NRIP2: variants seen among roughly 807,000 people sequenced by gnomAD.
The protein encoded by NRIP2 is nuclear receptor-interacting protein 2.
A neutral mutation model predicts 34.1 loss-of-function variants in NRIP2; 27 were observed. The observed-to-expected ratio is 0.79, with a 90% CI of 0.58 to 1.09. The LOEUF (loss-of-function observed/expected upper bound fraction) is 1.09. Among genes scored for constraint, NRIP2 ranks in the 50% least tolerant of loss-of-function variants. The pLI, the probability that NRIP2 is intolerant of heterozygous loss-of-function variation, is 0.00. For missense variants in NRIP2, 385 were observed against 352.6 expected, an observed-to-expected ratio of 1.09 and a Z score of -0.74; for synonymous variants, 145 against 146.9, an observed-to-expected ratio of 0.99 and a Z score of 0.09.
chr12:2,829,289 T>G (rs1399495366), intron 2 of NRIP2, among the ~76,000 whole-genome samples: 1 of 132,716 alleles, frequency 7.5e-6, no homozygotes, highest in Non-Finnish European at 1.5e-5. Context: ...CTTCACCTAC[T>G]TTGGGACATA....
At position 2,826,956 on chromosome 12, in the gene NRIP2, G is replaced by A; in HGVS notation, c.*251C>T. The A allele has an allele frequency of 7.6e-7, 1 of 1,319,320 alleles. No homozygotes were observed. Among genetic ancestry groups the A allele is most frequent in the South Asian group, 1.8e-5 (1 of 57,092 alleles). 81.7% of individuals were successfully genotyped at this position (1,319,320 alleles called of 1,614,324 possible). ...GTCTTGATTTGGCTTTGCTTTTCTT[G>A]GGAGGAAGATGAATCAGAATCCTGG... On this transcript the variant is annotated 3_prime_UTR_variant, in exon 6 of 6. Coordinates refer to ENST00000337508, the MANE Select transcript of NRIP2 (RefSeq NM_031474.3).
At chr12:2,830,540 T>G (rs1410277115) in intron 2 of NRIP2, 168 bp downstream of exon 2, 2 of 624,204 alleles carry the variant, frequency 3.2e-6, no homozygotes, top group African/African-American at 3.8e-5. Flanking sequence ...AGACATGGCT[T>G]GGGGCAGGGA....
intron 1 of NRIP2, among the ~76,000 whole-genome samples, chr12:2,832,372 G>C (rs551696088): frequency 1.8e-4 from 28 of 151,970 alleles, no homozygotes; most frequent in African/African-American, 6.3e-4. Flanking sequence ...CAGAAGCACC[G>C]CTCATACCAG....
chr12:2,828,244 A>T (rs979456545), intron 3 of NRIP2, 88 bp downstream of exon 3: 11 of 1,250,948 alleles, frequency 8.8e-6, no homozygotes, highest in Non-Finnish European at 1.3e-5. Flanking sequence ...AAAATATGCA[A>T]CTGTCGTCAC....
intron 2 of NRIP2, among the ~76,000 whole-genome samples, chr12:2,829,229 C>T (rs1603484046): frequency 6.6e-6 from 1 of 152,140 alleles, no homozygotes; most frequent in Non-Finnish European, 1.5e-5. Flanking sequence ...TGTTAGGAAA[C>T]TCAGATATGA....
rs1282131603 is a variant in NRIP2, at chr12:2,830,799, T to TC, written c.403dup (p.Glu135GlyfsTer38). On this transcript the variant is annotated frameshift_variant, in exon 2 of 6. Transcript: ENST00000337508. LOFTEE classifies it high-confidence loss of function. ...AATCAGGTCCTGCATCCGGGGAGGC[T>TC]CCCCCTGAAGCCAATTCGGGTTTCC... 1 of 1,613,676 alleles carries TC rather than the reference T, an allele frequency of 6.2e-7. No individual in the cohort carries two copies. Among genetic ancestry groups the TC allele is most frequent in the Admixed American group, 1.7e-5 (1 of 59,978 alleles).
chr12:2,828,026 T>A lies in NRIP2; in HGVS notation c.600A>T (p.Lys200Asn). 1 of 1,613,992 alleles carries A rather than the reference T, an allele frequency of 6.2e-7. No individual in the cohort carries two copies. Residue 200 changes from lysine to asparagine, a missense_variant, in exon 4 of 6, where the codon AAA becomes AAT. Transcript: ENST00000337508. ...SRLGLEKRVLKASAGDLAPGP... is the reference protein window; with the variant it reads ...SRLGLEKRVLNASAGDLAPGP... ...CAGGGGCCAGGTCCCCAGCTGAGGC[T>A]TTTAGGACCCTTTTCTCTAACCTGT...
rs2097969996 is a variant in NRIP2, at chr12:2,826,943, C to T, written c.*264G>A. 3.9e-6 allele frequency: 5 copies of T among 1,289,282 alleles called. No individual in the cohort carries two copies. The highest frequency in any genetic ancestry group is 4.9e-6 in the Non-Finnish European group (5 of 1,013,990). The allele number at this position is 1,289,282 out of a possible 1,614,324, so 79.9% of individuals were successfully genotyped here. On this transcript the variant is annotated 3_prime_UTR_variant, in exon 6 of 6. Coordinates refer to ENST00000337508, the MANE Select transcript of NRIP2 (RefSeq NM_031474.3). ...GTTCCTATCTGTGGTCTTGATTTGG[C>T]TTTGCTTTTCTTGGGAGGAAGATGA...
chr12:2,827,545 A>G lies in NRIP2; in HGVS notation c.753+80T>C. On this transcript the variant is annotated intron_variant, in intron 5 of 5. Transcript: ENST00000337508. This position sits in a 1 kb window ranked among gnomAD's most constrained non-coding sequence, Gnocchi z 4.0. ...CCCATCTCTAAGTCACTCTCATCAG[A>G]ACCTGGTCCAGGTTCCACACCTGTG... 2.5e-6 allele frequency: 4 copies of G among 1,606,806 alleles called. No individual in the cohort carries two copies. Among genetic ancestry groups the G allele is most frequent in the Non-Finnish European group, 3.4e-6 (4 of 1,177,288 alleles).
At chr12:2,829,271 G>A (rs1292129026) in intron 2 of NRIP2, among the ~76,000 whole-genome samples, 2 of 150,246 alleles carry the variant, frequency 1.3e-5, no homozygotes, top group Non-Finnish European at 2.9e-5. Context: ...GGAAACAAAG[G>A]AAGACAACTT....
At chr12:2,834,605 G>T (rs775734442) in intron 1 of NRIP2, 37 bp downstream of exon 1, 1 of 1,538,712 alleles carries the variant, frequency 6.5e-7, no homozygotes, top group East Asian at 2.3e-5. Context: ...GAAGGAAAAG[G>T]CCAGGGGACG....
chr12:2,832,963 C>G (rs551559673), intron 1 of NRIP2, among the ~76,000 whole-genome samples: 15 of 152,042 alleles, frequency 9.9e-5, no homozygotes, highest in Admixed American at 2.6e-4. Context: ...GAGACTGGCT[C>G]TGCACTTCCC....
In NRIP2 at chr12:2,827,029, G is replaced by T. The variant is rs1209627248; in HGVS notation, c.*178C>A. ...ACTCGTCCTGGGGAGTAGGACAGCTGCTGAGAAGCAGAGAGGAATGCGGCC... is the reference window on the plus strand; with the variant it reads ...ACTCGTCCTGGGGAGTAGGACAGCTTCTGAGAAGCAGAGAGGAATGCGGCC... On this transcript the variant is annotated 3_prime_UTR_variant, in exon 6 of 6. Coordinates refer to ENST00000337508, the MANE Select transcript of NRIP2 (RefSeq NM_031474.3). This position sits in a 1 kb window ranked among gnomAD's most constrained non-coding sequence, Gnocchi z 4.0. 4.2e-6 allele frequency: 6 copies of T among 1,441,818 alleles called. No individual in the cohort carries two copies. In the African/African-American group the frequency reaches 8.7e-5, roughly 21 times the overall value. 89.3% of individuals were successfully genotyped at this position (1,441,818 alleles called of 1,614,324 possible).
chr12:2,828,766 C>T (rs926482170), intron 2 of NRIP2, among the ~76,000 whole-genome samples: 4 of 152,038 alleles, frequency 2.6e-5, no homozygotes, highest in Non-Finnish European at 5.9e-5. Flanking sequence ...CGCTTGAACC[C>T]GAGAGGCGGA....
chr12:2,828,539 T>A, intron 2 of NRIP2, 125 bp from the exon 3 acceptor site: 2 of 791,726 alleles, frequency 2.5e-6, no homozygotes, highest in Non-Finnish European at 4.2e-6. Flanking sequence ...GAACTGTCTT[T>A]AAAACTGGCT....
In NRIP2 at chr12:2,830,708, C is replaced by T; in HGVS notation, c.495G>A (p.Lys165=). 4 of 1,609,672 alleles carry T rather than the reference C, an allele frequency of 2.5e-6. No homozygotes were observed. The highest frequency in any genetic ancestry group is 2.5e-6 in the Non-Finnish European group (3 of 1,178,084). The change falls in exon 2 of 6, where the codon AAG becomes AAA. Residue 165 remains lysine (K), a splice_region_variant and synonymous_variant. Transcript: ENST00000337508. The part of the protein sequence containing the change: ...TEIPALLVNC[K]CQDQLLRVAV... The stretch of plus-strand genomic sequence containing the variant: ...AGTGTGTCCCTGGGAGGCCTCTCAC[C>T]TTGCAGTTGACCAGAAGAGCTGGAA...
chr12:2,826,893 C>T lies in NRIP2; in HGVS notation c.*314G>A, dbSNP rs914358007. On this transcript the variant is annotated 3_prime_UTR_variant, in exon 6 of 6. Transcript: ENST00000337508. ...AGTCAGCAGAGCCTTCGACCCAGCC[C>T]AAGCAGGCACCCCATTGTGCTTAGG... 1.8e-5 allele frequency: 17 copies of T among 942,772 alleles called. No homozygotes were observed. The highest frequency in any genetic ancestry group is 1.9e-5 in the Non-Finnish European group (14 of 731,522). The allele number at this position is 942,772 out of a possible 1,614,324, so 58.4% of individuals were successfully genotyped here.
chr12:2,833,267 G>C (rs1341954199), intron 1 of NRIP2, among the ~76,000 whole-genome samples: 6 of 152,100 alleles, frequency 3.9e-5, no homozygotes, highest in Non-Finnish European at 8.8e-5. Context: ...GTCCCCAGTA[G>C]GTTCCAGCCA....
intron 1 of NRIP2, among the ~76,000 whole-genome samples, chr12:2,833,530 G>A (rs765604671): frequency 1.2e-4 from 18 of 152,002 alleles, no homozygotes; most frequent in African/African-American, 3.9e-4. Flanking sequence ...TCAGGTTCCC[G>A]GGGAGAAGCA....
Sources: allele counts gnomAD v4.1 joint callset (sites outside exome capture counted in the v4.1 genomes callset), GRCh38; gene constraint gnomAD v4.1.1; non-coding constraint Gnocchi (gnomAD v3.1); transcripts MANE v1.5; gene names NCBI Gene and HGNC (gene_info 2026-07-23, HGNC 2026-07-21).